SLC15A5: variants seen among roughly 807,000 people sequenced by gnomAD.
The protein encoded by SLC15A5 is solute carrier family 15 member 5, also known as Peptide/histidine transporter ENSP00000340402.
In SLC15A5, 58 loss-of-function variants were observed where a neutral mutation model predicts 56.1. The observed-to-expected ratio is 1.03, with a 90% CI of 0.84 to 1.29. The LOEUF (loss-of-function observed/expected upper bound fraction) is 1.29. SLC15A5 is among the 50% of genes most tolerant of loss of function. The pLI, the probability that SLC15A5 is intolerant of heterozygous loss-of-function variation, is 0.00. For missense variants in SLC15A5, 681 were observed against 672.1 expected, an observed-to-expected ratio of 1.01 and a Z score of -0.15; for synonymous variants, 264 against 250.5, an observed-to-expected ratio of 1.05 and a Z score of -0.51.
In SLC15A5 at chr12:16,224,733, AT is replaced by A. The variant is rs372077349; in HGVS notation, c.1163-132del. The stretch of plus-strand genomic sequence containing the variant: ...GTTTGTTTGTTTTTATTTTTTTTTA[AT>A]TTTTTTATTATACTTTAAGTTCTAG... On this transcript the variant is annotated intron_variant, in intron 5 of 8. Coordinates refer to ENST00000344941, the MANE Select transcript of SLC15A5 (RefSeq NM_001170798.1). 1.4e-4 allele frequency: 132 copies of A among 956,724 alleles called. No homozygotes were observed. In the African/African-American group the frequency reaches 2.1e-3, roughly 15 times the overall value. The allele number at this position is 956,724 out of a possible 1,614,324, so 59.3% of individuals were successfully genotyped here. A position where few individuals can be genotyped will look rare whatever the true frequency, so the allele number is the denominator to read the frequency against.
At chr12:16,208,876 C>T (rs1864048385) in intron 7 of SLC15A5, among the ~76,000 whole-genome samples, 1 of 151,998 alleles carries the variant, frequency 6.6e-6, no homozygotes, top group Non-Finnish European at 1.5e-5. Context: ...ATTTGTTTAC[C>T]TGAAATTCAA....
intron 3 of SLC15A5, among the ~76,000 whole-genome samples, chr12:16,255,244 C>A (rs1342686289): frequency 6.6e-6 from 1 of 151,422 alleles, no homozygotes; most frequent in African/African-American, 2.4e-5. Context: ...GTTTTTTTAC[C>A]ACAATAAATA....
At chr12:16,224,644 A>G (rs1864221829) in intron 5 of SLC15A5, 42 bp from the exon 6 acceptor site, 1 of 1,492,784 alleles carries the variant, frequency 6.7e-7, no homozygotes, top group South Asian at 1.3e-5. Context: ...TTAAACGAAG[A>G]GCTAGAGATT....
In SLC15A5 at chr12:16,190,058, G is replaced by A. The variant is rs184943510; in HGVS notation, c.1593-243C>T. On this transcript the variant is annotated intron_variant, in intron 8 of 8. Transcript: ENST00000344941. ...GTGGCGCTTTTTAACAACCTGCTAC[G>A]CTGTCTTCAGTGCTGACAGAGAGAT... Among the ~76,000 whole-genome samples the A allele has an allele frequency of 1.5e-4, 23 of 152,276 alleles. No homozygotes were observed. In the East Asian group the frequency reaches 4.2e-3, roughly 28 times the overall value.
intron 7 of SLC15A5, among the ~76,000 whole-genome samples, chr12:16,202,013 CA>C (rs1427613923): frequency 6.6e-6 from 1 of 152,002 alleles, no homozygotes; most frequent in Non-Finnish European, 1.5e-5. Flanking sequence ...ACTACTAGAA[CA>C]GGGGAAAAGC....
chr12:16,276,703 A>G (rs1217314301), intron 1 of SLC15A5, among the ~76,000 whole-genome samples: 2 of 152,044 alleles, frequency 1.3e-5, no homozygotes, highest in Admixed American at 6.6e-5. Flanking sequence ...TTATTAAACT[A>G]TCTTGATATT....
intron 6 of SLC15A5, among the ~76,000 whole-genome samples, chr12:16,217,385 A>T (rs1864140836): frequency 6.6e-6 from 1 of 152,090 alleles, no homozygotes; most frequent in Non-Finnish European, 1.5e-5. Flanking sequence ...CAATTTTGTG[A>T]TTCTGTGTAA....
Position 16,194,336 on chromosome 12 carries a change from C to T in SLC15A5, c.1592+9G>A, listed in dbSNP as rs1033350912. ...CAGAAATTTTTCATCTTACCACACACTTACTTACCTTTGTGAAACACTGCA... is the reference window on the plus strand; with the variant it reads ...CAGAAATTTTTCATCTTACCACACATTTACTTACCTTTGTGAAACACTGCA... On this transcript the variant is annotated intron_variant, in intron 8 of 8. Coordinates refer to ENST00000344941, the MANE Select transcript of SLC15A5 (RefSeq NM_001170798.1). The T allele has an allele frequency of 1.3e-6, 2 of 1,514,166 alleles. No homozygotes were observed. Among genetic ancestry groups the T allele is most frequent in the South Asian group, 1.2e-5 (1 of 82,532 alleles). 93.8% of individuals were successfully genotyped at this position (1,514,166 alleles called of 1,614,324 possible). A position where few individuals can be genotyped will look rare whatever the true frequency, so the allele number is the denominator to read the frequency against.
intron 5 of SLC15A5, among the ~76,000 whole-genome samples, chr12:16,236,525 A>G (rs576956271): frequency 1.3e-5 from 2 of 152,192 alleles, no homozygotes; most frequent in African/African-American, 4.8e-5. Flanking sequence ...TGAATCAGAA[A>G]CACCTTTGTT....
At chr12:16,205,590 T>TATATAC (rs775209178) in intron 7 of SLC15A5, among the ~76,000 whole-genome samples, 1 of 57,150 alleles carries the variant, frequency 1.7e-5, no homozygotes, top group African/African-American at 6.6e-5. Flanking sequence ...CATATATATA[T>TATATAC]ACATATACAC....
At chr12:16,194,295 C>T in intron 8 of SLC15A5, 50 bp downstream of exon 8, 1 of 1,216,566 alleles carries the variant, frequency 8.2e-7, no homozygotes, top group Non-Finnish European at 1.2e-6. Flanking sequence ...GTTCCCAGAC[C>T]AATATTTCAT....
Position 16,195,190 on chromosome 12 carries a change from T to C in SLC15A5, c.1484-737A>G, listed in dbSNP as rs141146057. Among the ~76,000 whole-genome samples the C allele has an allele frequency of 9.1e-4, 138 of 152,186 alleles. 1 individual carries two copies. Among genetic ancestry groups the C allele is most frequent in the African/African-American group, 3.2e-3 (135 of 41,566 alleles). ...TGACTTTTGCTTTGGAGCTGTGCTA[T>C]AACTCTATCTCTATCTCTGTCTCTG... On this transcript the variant is annotated intron_variant, in intron 7 of 8. Transcript: ENST00000344941.
At chr12:16,195,916 A>T (rs1049905491) in intron 7 of SLC15A5, among the ~76,000 whole-genome samples, 1 of 152,126 alleles carries the variant, frequency 6.6e-6, no homozygotes, top group Non-Finnish European at 1.5e-5. Flanking sequence ...AGCTGTGTCT[A>T]TTATATTCTT....
At chr12:16,244,948 G>A (rs574766758) in intron 3 of SLC15A5, 148 bp from the exon 4 acceptor site, 38 of 767,740 alleles carry the variant, frequency 4.9e-5, no homozygotes, top group Admixed American at 1.1e-4. Context: ...AAAGGACCAC[G>A]CTTCTGACAG....
chr12:16,203,055 T>C (rs1427836623), intron 7 of SLC15A5, among the ~76,000 whole-genome samples: 1 of 152,108 alleles, frequency 6.6e-6, no homozygotes, highest in African/African-American at 2.4e-5. Context: ...TGATCTATTA[T>C]ACAGCATGGT....
chr12:16,245,292 C>T (rs543412011), intron 3 of SLC15A5, among the ~76,000 whole-genome samples: 1 of 152,242 alleles, frequency 6.6e-6, no homozygotes, highest in African/African-American at 2.4e-5. Flanking sequence ...TCTGCTTTGA[C>T]TTTATCCTTG....
At chr12:16,257,486 G>C (rs1303712808) in intron 3 of SLC15A5, among the ~76,000 whole-genome samples, 1 of 152,098 alleles carries the variant, frequency 6.6e-6, no homozygotes, top group Non-Finnish European at 1.5e-5. Context: ...ACTTTTCATT[G>C]GGTCTAAATC....
At chr12:16,227,368 G>T (rs763159126) in intron 5 of SLC15A5, among the ~76,000 whole-genome samples, 11 of 152,106 alleles carry the variant, frequency 7.2e-5, no homozygotes, top group Non-Finnish European at 1.5e-4. Context: ...TTTAATATTT[G>T]CTCTGTTCCT....
At chr12:16,212,423 C>T (rs1864092801) in intron 7 of SLC15A5, among the ~76,000 whole-genome samples, 2 of 152,086 alleles carry the variant, frequency 1.3e-5, no homozygotes, top group Non-Finnish European at 2.9e-5. Context: ...TATAGGATTA[C>T]TATAACCAAA....
Sources: allele counts gnomAD v4.1 joint callset (sites outside exome capture counted in the v4.1 genomes callset), GRCh38; gene constraint gnomAD v4.1.1; transcripts MANE v1.5; gene names NCBI Gene and HGNC (gene_info 2026-07-23, HGNC 2026-07-21).